The following VGF variants were observed in gnomAD, a reference collection of about 807,000 sequenced individuals.
VGF encodes the protein neurosecretory protein VGF.
A neutral mutation model predicts 41.1 loss-of-function variants in VGF; 13 were observed. The observed-to-expected ratio is 0.32, with a 90% CI of 0.21 to 0.50. VGF has a LOEUF of 0.50. Ranked by LOEUF, VGF falls within the 20% of genes least tolerant of loss-of-function variation. The probability of loss-of-function intolerance (pLI) is 0.98; values close to 1 mark genes in which losing one functional copy is unlikely to be tolerated. For missense variants in VGF, 920 were observed against 882.1 expected, an observed-to-expected ratio of 1.04 and a Z score of -0.54; for synonymous variants, 473 against 418.3, an observed-to-expected ratio of 1.13 and a Z score of -1.60.
At chr7:101,166,084 C>T (rs931280076), upstream of VGF, among the ~76,000 whole-genome samples, 1 of 152,138 alleles carries the variant, frequency 6.6e-6, no homozygotes, top group Non-Finnish European at 1.5e-5. Context: ...ACCAGGGGGC[C>T]GGGTTCCCCA....
chr7:101,163,885 T>A lies in VGF; in HGVS notation c.959A>T (p.Gln320Leu). The change falls in exon 2 of 2, where the codon CAG becomes CTG. Residue 320 changes from glutamine to leucine, a missense_variant. Around this residue, in one of 3 missense-constraint regions of VGF, gnomAD observed 654 missense variants for 638.4 expected, o/e 1.02. Transcript: ENST00000249330. The surrounding 1 kb of genome is among the most constrained non-coding windows in gnomAD (Gnocchi z 5.0). ...GGCGAGGTCGGCCAGCCGCTCTTCC[T>A]GCGCCGCGGCCTGCCGCGTGGCCTC... Reference protein sequence around the residue: ...QAEATRQAAAQEERLADLASD... With the variant: ...QAEATRQAAALEERLADLASD... The A allele has an allele frequency of 6.7e-7, 1 of 1,488,756 alleles. No homozygotes were observed. Among genetic ancestry groups the A allele is most frequent in the Non-Finnish European group, 8.9e-7 (1 of 1,128,250 alleles). The allele number at this position is 1,488,756 out of a possible 1,614,324, so 92.2% of individuals were successfully genotyped here. A position where few individuals can be genotyped will look rare whatever the true frequency, so the allele number is the denominator to read the frequency against.
At chr7:101,166,523 G>GGA (rs1554368174), upstream of VGF, among the ~76,000 whole-genome samples, 6 of 150,184 alleles carry the variant, frequency 4.0e-5, no homozygotes, top group South Asian at 1.3e-3. Flanking sequence ...GGTGGGGGGG[G>GGA]GGTGACTCAA....
At chr7:101,165,166 C>A (rs1320280736) in intron 1 of VGF, 3 of 1,065,064 alleles carry the variant, frequency 2.8e-6, no homozygotes, top group Non-Finnish European at 3.4e-6. Flanking sequence ...AAAAAAAAAT[C>A]TCTGCTCCCT....
chr7:101,163,119 G>T lies in VGF; in HGVS notation c.1725C>A (p.His575Gln). Residue 575 changes from histidine to glutamine, a missense_variant, in exon 2 of 2, where the codon CAC (histidine) becomes CAA (glutamine). Coordinates refer to ENST00000249330, the MANE Select transcript of VGF (RefSeq NM_003378.4). This position sits in a 1 kb window ranked among gnomAD's most constrained non-coding sequence, Gnocchi z 5.0. ...HYHHALPPSR[H>Q]YPGREAQARR... ...GCGCCTGGGCCTCCCGGCCGGGATA[G>T]TGGCGCGAAGGCGGCAAGGCGTGGT... is the stretch of plus-strand genomic sequence containing the variant. 1 of 1,584,370 alleles carries T rather than the reference G, an allele frequency of 6.3e-7. No individual in the cohort carries two copies.
chr7:101,163,301 G>T lies in VGF; in HGVS notation c.1543C>A (p.Pro515Thr). The change falls in exon 2 of 2, where the codon CCC (proline) becomes ACC (threonine). Residue 515 changes from proline to threonine, a missense_variant. Around this residue, in one of 3 missense-constraint regions of VGF, gnomAD observed 257 missense variants for 217.2 expected, o/e 1.18. Transcript: ENST00000249330. The surrounding 1 kb of genome is among the most constrained non-coding windows in gnomAD (Gnocchi z 5.0). ...CAGTCCGGCAGCTCGTCTCGTGCGG[G>T]AGCGGGGGCGGGGGGCGGGGGCTGC... ...SPQPPPPAPA[P>T]ARDELPDWNE... 6.7e-7 allele frequency: 1 copy of T among 1,484,402 alleles called. No individual in the cohort carries two copies. Among genetic ancestry groups the T allele is most frequent in the Non-Finnish European group, 8.9e-7 (1 of 1,128,260 alleles). The allele number at this position is 1,484,402 out of a possible 1,614,324, so 92.0% of individuals were successfully genotyped here.
Position 101,164,657 on chromosome 7 carries a change from G to A in VGF, c.187C>T (p.Arg63Trp). 1 of 1,592,258 alleles carries A rather than the reference G, an allele frequency of 6.3e-7. No homozygotes were observed. Among genetic ancestry groups the A allele is most frequent in the Non-Finnish European group, 8.5e-7 (1 of 1,169,668 alleles). Residue 63 changes from arginine (R) to tryptophan (W), a missense_variant, in exon 2 of 2, where the codon CGG (arginine) becomes TGG (tryptophan). Transcript: ENST00000249330. ...CCCTCGTCCTGCGGCTCGGAATTCCGAGCGCCTCGGACCTCTGGGGCGCTG... is the reference window on the plus strand; with the variant it reads ...CCCTCGTCCTGCGGCTCGGAATTCCAAGCGCCTCGGACCTCTGGGGCGCTG... ...DGSAPEVRGA[R>W]NSEPQDEGEL... is the part of the protein sequence containing the mutation.
chr7:101,168,441 C>A (rs1277704877), upstream of VGF, among the ~76,000 whole-genome samples: 2 of 152,122 alleles, frequency 1.3e-5, no homozygotes, highest in Admixed American at 1.3e-4. Context: ...TGAGCTGTGC[C>A]CTTCATACCC....
At chr7:101,168,012 T>C (rs912590167), upstream of VGF, among the ~76,000 whole-genome samples, 2 of 99,344 alleles carry the variant, frequency 2.0e-5, no homozygotes, top group African/African-American at 3.9e-5. Flanking sequence ...CTGGGTTGTT[T>C]TTTTTTGTTT....
chr7:101,162,655 GAC>G lies in VGF; in HGVS notation c.*339_*340del. On this transcript the variant is annotated 3_prime_UTR_variant, in exon 2 of 2. Transcript: ENST00000249330. The surrounding 1 kb of genome is among the most constrained non-coding windows in gnomAD (Gnocchi z 4.2). ...TGGGAGGCCCGAAGGGCTGGAGACA[GAC>G]ACACTTCACACAATTAACTGGAACT... is the stretch of plus-strand genomic sequence containing the variant. 1 of 408,758 alleles carries G rather than the reference GAC, an allele frequency of 2.4e-6. No individual in the cohort carries two copies. Among genetic ancestry groups the G allele is most frequent in the East Asian group, 8.3e-5 (1 of 11,986 alleles). The allele number at this position is 408,758 out of a possible 1,614,324, so 25.3% of individuals were successfully genotyped here.
upstream of VGF, among the ~76,000 whole-genome samples, chr7:101,167,854 G>A (rs565262781): frequency 2.6e-5 from 4 of 152,062 alleles, no homozygotes; most frequent in African/African-American, 9.6e-5. This position sits in a 1 kb window ranked among gnomAD's most constrained non-coding sequence, Gnocchi z 4.2. Flanking sequence ...GGAATGGGGG[G>A]AAGCAATTGT....
chr7:101,167,534 G>T (rs917079832), upstream of VGF, among the ~76,000 whole-genome samples: 2 of 152,112 alleles, frequency 1.3e-5, no homozygotes, highest in African/African-American at 4.8e-5. The surrounding 1 kb of genome is among the most constrained non-coding windows in gnomAD (Gnocchi z 4.2). Flanking sequence ...TGGGGAGGGG[G>T]TCACGTTACC....
Position 101,163,475 on chromosome 7 carries a change from C to T in VGF, c.1369G>A (p.Glu457Lys). 1 of 1,613,100 alleles carries T rather than the reference C, an allele frequency of 6.2e-7. No homozygotes were observed. The highest frequency in any genetic ancestry group is 8.5e-7 in the Non-Finnish European group (1 of 1,179,904). ...MDPQTIDSLI[E>K]LSTKLHLPAD... is the part of the protein sequence containing the mutation. ...GGCAGGTGGAGTTTGGTGGACAGCT[C>T]AATGAGGCTGTCGATCGTCTGCGGA... Residue 457 changes from glutamate to lysine, a missense_variant, in exon 2 of 2, where the codon GAG becomes AAG. Physicochemically the swap from Glu to Lys is moderately conservative, Grantham distance 56. This residue lies in a region of VGF where 9 missense variants were observed against 26.5 expected (regional missense o/e 0.34). Transcript: ENST00000249330. This position sits in a 1 kb window ranked among gnomAD's most constrained non-coding sequence, Gnocchi z 5.0.
In VGF at chr7:101,163,296, T is replaced by C; in HGVS notation, c.1548A>G (p.Ala516=). The change falls in exon 2 of 2, where the codon GCA becomes GCG. Residue 516 remains alanine (A), a synonymous_variant. Transcript: ENST00000249330. The surrounding 1 kb of genome is among the most constrained non-coding windows in gnomAD (Gnocchi z 5.0). ...CGTTCCAGTCCGGCAGCTCGTCTCG[T>C]GCGGGAGCGGGGGCGGGGGGCGGGG... The part of the protein sequence containing the change: ...PQPPPPAPAP[A]RDELPDWNEV... 1 of 1,126,484 alleles carries C rather than the reference T, an allele frequency of 8.9e-7. No individual in the cohort carries two copies. The highest frequency in any genetic ancestry group is 1.1e-6 in the Non-Finnish European group (1 of 909,276). The allele number at this position is 1,126,484 out of a possible 1,614,324, so 69.8% of individuals were successfully genotyped here.
Position 101,165,475 on chromosome 7 carries a change from G to A in VGF, c.-122C>T. ...GCCTCGGCTCCGAGCGGTGGCCGGG[G>A]TAGGAGCGACGGTCGAGGTCTGGCG... On this transcript the variant is annotated 5_prime_UTR_variant, in exon 1 of 2. Transcript: ENST00000249330. 1.0e-6 allele frequency: 1 copy of A among 985,490 alleles called. No individual in the cohort carries two copies. The highest frequency in any genetic ancestry group is 1.2e-6 in the Non-Finnish European group (1 of 829,974). 61.0% of individuals were successfully genotyped at this position (985,490 alleles called of 1,614,324 possible).
chr7:101,163,340 G>T lies in VGF; in HGVS notation c.1504C>A (p.His502Asn). The T allele has an allele frequency of 6.8e-7, 1 of 1,474,858 alleles. No homozygotes were observed. The highest frequency in any genetic ancestry group is 1.3e-5 in the South Asian group (1 of 75,204). 91.4% of individuals were successfully genotyped at this position (1,474,858 alleles called of 1,614,324 possible). The part of the protein sequence containing the change: ...PPPRAAPAPT[H>N]VRSPQPPPPA... ...GGCGGGGGCTGCGGGGAGCGGACGT[G>T]GGTGGGGGCGGGGGCGGCACGGGGG... Residue 502 changes from histidine (H) to asparagine (N), a missense_variant, in exon 2 of 2, where the codon CAC becomes AAC. Physicochemically the swap from His to Asn is moderately conservative, Grantham distance 68 (BLOSUM62 1). Around this residue, in one of 3 missense-constraint regions of VGF, gnomAD observed 257 missense variants for 217.2 expected, o/e 1.18. Transcript: ENST00000249330. This position sits in a 1 kb window ranked among gnomAD's most constrained non-coding sequence, Gnocchi z 5.0.
At position 101,163,690 on chromosome 7, in the gene VGF, G is replaced by T; in HGVS notation, c.1154C>A (p.Ala385Glu). The change falls in exon 2 of 2, where the codon GCG (alanine) becomes GAG (glutamate). Residue 385 changes from alanine to glutamate, a missense_variant. Physicochemically the swap from Ala to Glu is moderately radical, Grantham distance 107. Transcript: ENST00000249330. This position sits in a 1 kb window ranked among gnomAD's most constrained non-coding sequence, Gnocchi z 5.0. ...CTCCGCCTCTGCCTCCGCCTCGGCC[G>T]CCTCCTCATCCTCTTCCCCCACCCT... ...EERVGEEDEE[A>E]AEAEAEAEEA... is the part of the protein sequence containing the mutation. The T allele has an allele frequency of 3.3e-6, 5 of 1,535,810 alleles. No homozygotes were observed. Among genetic ancestry groups the T allele is most frequent in the Non-Finnish European group, 4.4e-6 (5 of 1,146,570 alleles).
In VGF at chr7:101,164,756, C is replaced by T; in HGVS notation, c.88G>A (p.Ala30Thr). The T allele has an allele frequency of 1.2e-6, 2 of 1,610,596 alleles. No individual in the cohort carries two copies. The highest frequency in any genetic ancestry group is 1.7e-6 in the Non-Finnish European group (2 of 1,177,932). Residue 30 changes from alanine (A) to threonine (T), a missense_variant, in exon 2 of 2, where the codon GCG becomes ACG. Around this residue, in one of 3 missense-constraint regions of VGF, gnomAD observed 654 missense variants for 638.4 expected, o/e 1.02. Coordinates refer to ENST00000249330, the MANE Select transcript of VGF (RefSeq NM_003378.4). ...LGAAPPGRPEAQPPPLSSEHK... is the reference protein window; with the variant it reads ...LGAAPPGRPETQPPPLSSEHK... ...TCAGAGCTGAGAGGAGGAGGCTGCG[C>T]CTCAGGGCGACCAGGGGGTGCTGCC...
Position 101,163,330 on chromosome 7 carries a change from G to A in VGF, c.1514C>T (p.Ser505Phe). 2.2e-6 allele frequency: 3 copies of A among 1,364,166 alleles called. No homozygotes were observed. The South Asian group carries it at 4.2e-5, about 19-fold the overall frequency. The allele number at this position is 1,364,166 out of a possible 1,614,324, so 84.5% of individuals were successfully genotyped here. A position where few individuals can be genotyped will look rare whatever the true frequency, so the allele number is the denominator to read the frequency against. ...RAAPAPTHVR[S>F]PQPPPPAPAP... Reference sequence around the variant, plus strand: ...GGGGGCGGGGGGCGGGGGCTGCGGGGAGCGGACGTGGGTGGGGGCGGGGGC... The same window carrying A: ...GGGGGCGGGGGGCGGGGGCTGCGGGAAGCGGACGTGGGTGGGGGCGGGGGC... The change falls in exon 2 of 2, where the codon TCC becomes TTC. Residue 505 changes from serine (S) to phenylalanine (F), a missense_variant. This residue lies in a region of VGF where 257 missense variants were observed against 217.2 expected (regional missense o/e 1.18). Coordinates refer to ENST00000249330, the MANE Select transcript of VGF (RefSeq NM_003378.4). This position sits in a 1 kb window ranked among gnomAD's most constrained non-coding sequence, Gnocchi z 5.0.
chr7:101,168,017 TTG>T (rs59001268), upstream of VGF, among the ~76,000 whole-genome samples: 13,024 of 108,100 alleles, frequency 0.12, 781 homozygotes, highest in East Asian at 0.47. Context: ...TTGTTTTTTT[TTG>T]TTTTTTTTTT....
Sources: allele counts gnomAD v4.1 joint callset (sites outside exome capture counted in the v4.1 genomes callset), GRCh38; gene constraint gnomAD v4.1.1; regional missense constraint gnomAD v4.1.1; non-coding constraint Gnocchi (gnomAD v3.1); transcripts MANE v1.5; gene names NCBI Gene and HGNC (gene_info 2026-07-23, HGNC 2026-07-21).